STARD9: variants seen among roughly 807,000 people sequenced by gnomAD.
STARD9 encodes the protein StAR related lipid transfer domain containing 9, also known as stAR-related lipid transfer protein 9.
A neutral mutation model predicts 399.8 loss-of-function variants in STARD9; 346 were observed. The observed-to-expected ratio is 0.87, with a 90% CI of 0.79 to 0.95. The LOEUF is 0.95. Among genes scored for constraint, STARD9 ranks in the 40% least tolerant of loss-of-function variants. The probability of loss-of-function intolerance (pLI) is 0.00; values close to 1 mark genes in which losing one functional copy is unlikely to be tolerated. For missense variants in STARD9, 5,832 were observed against 5,667.5 expected, an observed-to-expected ratio of 1.03 and a Z score of -0.93; for synonymous variants, 2,203 against 2,143.5, an observed-to-expected ratio of 1.03 and a Z score of -0.77.
intron 1 of STARD9, among the ~76,000 whole-genome samples, chr15:42,577,005 G>GT (rs975395380): frequency 6.6e-6 from 1 of 152,084 alleles, no homozygotes; most frequent in Non-Finnish European, 1.5e-5. Flanking sequence ...GCTGGGGGGG[G>GT]TTTTATAAGT....
At chr15:42,611,320 T>A (rs186273061) in intron 3 of STARD9, among the ~76,000 whole-genome samples, 2 of 152,248 alleles carry the variant, frequency 1.3e-5, no homozygotes, top group African/African-American at 4.8e-5. Flanking sequence ...GCTATCTGGC[T>A]CTTGATAGAA....
intron 7 of STARD9, among the ~76,000 whole-genome samples, chr15:42,646,109 C>T (rs769822464): frequency 7.2e-5 from 11 of 151,890 alleles, no homozygotes; most frequent in Non-Finnish European, 1.5e-4. Context: ...TGCAGTGAGC[C>T]GAGATTGTGC....
intron 26 of STARD9, among the ~76,000 whole-genome samples, chr15:42,715,407 CAG>C (rs1466520511): frequency 6.6e-6 from 1 of 152,116 alleles, no homozygotes; most frequent in Non-Finnish European, 1.5e-5. Flanking sequence ...AAGCCGGGCA[CAG>C]GGGCTCACGC....
chr15:42,679,416 A>G (rs1001921330), intron 20 of STARD9, among the ~76,000 whole-genome samples: 1 of 152,208 alleles, frequency 6.6e-6, no homozygotes, highest in Non-Finnish European at 1.5e-5. Context: ...AATCAGTGCC[A>G]GTCTTTTGAG....
rs2060778237 is a variant in STARD9, at chr15:42,693,924, C to T, written c.12346C>T (p.Leu4116=). Residue 4116 remains leucine, a synonymous_variant, in exon 23 of 33, where the codon CTG becomes TTG. Coordinates refer to ENST00000290607, the MANE Select transcript of STARD9 (RefSeq NM_020759.3). The part of the protein sequence containing the change: ...LPQACQPEEL[L]CFSCQMCMAP... Reference sequence around the variant, plus strand: ...TCAGGCCTGCCAACCTGAGGAGTTACTGTGCTTCAGTTGCCAGATGTGCAT... The same window carrying T: ...TCAGGCCTGCCAACCTGAGGAGTTATTGTGCTTCAGTTGCCAGATGTGCAT... 4.0e-6 allele frequency: 6 copies of T among 1,512,058 alleles called. No homozygotes were observed. The highest frequency in any genetic ancestry group is 3.8e-5 in the South Asian group (3 of 79,720). The allele number at this position is 1,512,058 out of a possible 1,614,324, so 93.7% of individuals were successfully genotyped here.
chr15:42,617,163 A>G lies in STARD9; in HGVS notation c.235-17693A>G, dbSNP rs925513857. On this transcript the variant is annotated intron_variant, in intron 3 of 32. Transcript: ENST00000290607. ...GCCCAGCACAGTGTTTTGCTTTAGT[A>G]CATGCTTTACAAATACTGGTGGAAT... 4.6e-5 allele frequency among the ~76,000 whole-genome samples: 7 copies of G among 152,166 alleles called. 1 individual carries two copies. Among genetic ancestry groups the G allele is most frequent in the Admixed American group, 6.5e-5 (1 of 15,268 alleles).
chr15:42,652,413 T>G, intron 8 of STARD9, 107 bp from the exon 9 acceptor site: 2 of 920,276 alleles, frequency 2.2e-6, no homozygotes, highest in South Asian at 2.9e-5. Flanking sequence ...TTTATGATTC[T>G]TGTCGGTGAA....
chr15:42,597,860 T>A (rs571193879), intron 3 of STARD9, among the ~76,000 whole-genome samples: 1 of 151,070 alleles, frequency 6.6e-6, no homozygotes, highest in Non-Finnish European at 1.5e-5. Flanking sequence ...TTAATAAAGA[T>A]GTGATTTCAC....
chr15:42,693,513 T>C lies in STARD9; in HGVS notation c.11935T>C (p.Leu3979=), dbSNP rs546611281. Residue 3979 remains leucine, a synonymous_variant, in exon 23 of 33, where the codon TTG becomes CTG. Transcript: ENST00000290607. ...QRSNGRSFLE[L]HSPHSPQQSP... is the part of the protein sequence containing the mutation. ...GAGTAATGGGAGATCCTTCCTTGAGTTGCACTCCCCACACAGCCCACAGCA... is the reference window on the plus strand; with the variant it reads ...GAGTAATGGGAGATCCTTCCTTGAGCTGCACTCCCCACACAGCCCACAGCA... 1.2e-3 allele frequency: 1,792 copies of C among 1,537,100 alleles called. 26 individuals carry two copies. The South Asian group carries it at 0.016, about 14-fold the overall frequency.
At chr15:42,576,584 T>G (rs1419978522) in intron 1 of STARD9, among the ~76,000 whole-genome samples, 1 of 151,676 alleles carries the variant, frequency 6.6e-6, no homozygotes, top group African/African-American at 2.4e-5. Flanking sequence ...GAAAGGGTGG[T>G]TGGTGTGGAG....
chr15:42,682,219 T>G lies in STARD9; in HGVS notation c.2181T>G (p.Leu727=). 1 of 1,537,194 alleles carries G rather than the reference T, an allele frequency of 6.5e-7. No homozygotes were observed. Among genetic ancestry groups the G allele is most frequent in the Non-Finnish European group, 8.7e-7 (1 of 1,146,896 alleles). ...CATCTGTGGCACTTGATGCTTGGCT[T>G]CAGACAGATCCTGAGATTCAGCCAT... ...LEASVALDAW[L]QTDPEIQPSP... The change falls in exon 22 of 33, where the codon CTT becomes CTG. Residue 727 remains leucine (L), a synonymous_variant. Coordinates refer to ENST00000290607, the MANE Select transcript of STARD9 (RefSeq NM_020759.3).
intron 8 of STARD9, among the ~76,000 whole-genome samples, chr15:42,651,695 G>A (rs989145049): frequency 6.6e-6 from 1 of 152,018 alleles, no homozygotes; most frequent in Non-Finnish European, 1.5e-5. Flanking sequence ...TTAATAGCAG[G>A]ACCAAGTTAA....
intron 3 of STARD9, among the ~76,000 whole-genome samples, chr15:42,609,998 C>T (rs1415239690): frequency 6.6e-6 from 1 of 152,042 alleles, no homozygotes; most frequent in African/African-American, 2.4e-5. Flanking sequence ...GAGGCTGAGG[C>T]AGGAGAATCA....
rs1246422525 is a variant in STARD9, at chr15:42,716,286, T to C, written c.13285-391T>C. Among the ~76,000 whole-genome samples the C allele has an allele frequency of 2.0e-5, 3 of 152,126 alleles. No individual in the cohort carries two copies. In the East Asian group the frequency reaches 5.8e-4, roughly 29 times the overall value. ...TTTTCCTCCCATCCCATCTTCCACA[T>C]TTATTACCCCGTTAAACCCCCTCTA... On this transcript the variant is annotated intron_variant, in intron 26 of 32. Coordinates refer to ENST00000290607, the MANE Select transcript of STARD9 (RefSeq NM_020759.3).
intron 16 of STARD9, chr15:42,672,962 G>C (rs111685783): frequency 6.6e-6 from 1 of 152,260 alleles, no homozygotes; most frequent in Non-Finnish European, 1.5e-5. Context: ...GCCGGGCATG[G>C]TGGCACGTGC....
intron 20 of STARD9, among the ~76,000 whole-genome samples, chr15:42,679,546 C>T (rs1163534572): frequency 6.6e-6 from 1 of 152,152 alleles, no homozygotes; most frequent in Non-Finnish European, 1.5e-5. Context: ...TCCCATTCCC[C>T]CGGGCTATTC....
chr15:42,629,992 T>C (rs912654170), intron 3 of STARD9: 3 of 146,538 alleles, frequency 2.0e-5, no homozygotes, highest in African/African-American at 7.8e-5. Flanking sequence ...ATAAATGATC[T>C]TTTTTTTCTT....
intron 3 of STARD9, among the ~76,000 whole-genome samples, chr15:42,596,492 C>T (rs552589569): frequency 6.6e-6 from 1 of 152,312 alleles, no homozygotes; most frequent in South Asian, 2.1e-4. Context: ...AAATGAACAG[C>T]AGCCCTTTGA....
intron 7 of STARD9, among the ~76,000 whole-genome samples, chr15:42,640,634 A>G (rs1317928285): frequency 6.6e-6 from 1 of 152,046 alleles, no homozygotes; most frequent in African/African-American, 2.4e-5. Flanking sequence ...ATCCTGGCCA[A>G]CATAGTGAAA....
Sources: allele counts gnomAD v4.1 joint callset (sites outside exome capture counted in the v4.1 genomes callset), GRCh38; gene constraint gnomAD v4.1.1; transcripts MANE v1.5; gene names NCBI Gene and HGNC (gene_info 2026-07-23, HGNC 2026-07-21).